MRPS5: variants seen among roughly 807,000 people sequenced by gnomAD.
The protein encoded by MRPS5 is mitochondrial ribosomal protein S5.
In MRPS5, 27 loss-of-function variants were observed where a neutral mutation model predicts 51.9. The observed-to-expected ratio is 0.52, with a 90% CI of 0.38 to 0.72. The LOEUF (loss-of-function observed/expected upper bound fraction) is 0.72, where lower values mean the gene tolerates loss of function less well. MRPS5 is among the 30% of genes least tolerant of loss of function. MRPS5 has a pLI of 0.00. For missense variants in MRPS5, 570 were observed against 545.7 expected, an observed-to-expected ratio of 1.04 and a Z score of -0.44; for synonymous variants, 196 against 193.2, an observed-to-expected ratio of 1.01 and a Z score of -0.12.
intron 8 of MRPS5, among the ~76,000 whole-genome samples, chr2:95,101,384 C>CAA (rs34810443): frequency 4.9e-5 from 3 of 60,814 alleles, no homozygotes; most frequent in Non-Finnish European, 6.9e-5. Flanking sequence ...GACAACGTCT[C>CAA]AAAAAAAAAA....
chr2:95,095,644 T>C (rs1675604886), intron 10 of MRPS5, among the ~76,000 whole-genome samples: 1 of 152,224 alleles, frequency 6.6e-6, no homozygotes, highest in Non-Finnish European at 1.5e-5. Flanking sequence ...ATAAAGATGT[T>C]CTTTGAAACC....
At chr2:95,104,598 C>A in intron 7 of MRPS5, 42 bp downstream of exon 7, 1 of 1,605,256 alleles carries the variant, frequency 6.2e-7, no homozygotes, top group South Asian at 1.1e-5. Context: ...ACGCCTTTCC[C>A]TGCACACCAC....
At chr2:95,115,280 T>C in intron 2 of MRPS5, 77 bp from the exon 3 acceptor site, 2 of 1,289,266 alleles carry the variant, frequency 1.6e-6, no homozygotes, top group Non-Finnish European at 2.0e-6. Flanking sequence ...AAATAATCAT[T>C]ACTAACAAAA....
chr2:95,109,840 T>TA (rs1387513598), intron 4 of MRPS5, 76 bp downstream of exon 4: 1 of 1,513,792 alleles, frequency 6.6e-7, no homozygotes. Context: ...TTGATGCTTC[T>TA]AGTTTGTAAA....
intron 1 of MRPS5, among the ~76,000 whole-genome samples, chr2:95,118,935 T>C (rs1221709655): frequency 1.3e-5 from 2 of 152,168 alleles, no homozygotes; most frequent in Non-Finnish European, 2.9e-5. Flanking sequence ...ACCTTGGATT[T>C]TGCAATGGCT....
intron 1 of MRPS5, 143 bp downstream of exon 1, chr2:95,121,591 C>T: frequency 1.1e-6 from 1 of 892,492 alleles, no homozygotes; most frequent in East Asian, 3.3e-5. Flanking sequence ...CACACAGCGG[C>T]TCCGGCGGAA....
intron 9 of MRPS5, 109 bp downstream of exon 9, chr2:95,100,728 G>T: frequency 1.1e-6 from 1 of 935,190 alleles, no homozygotes. Context: ...ATATTTGTAA[G>T]AATGTAATAA....
chr2:95,106,366 C>T, intron 6 of MRPS5, 57 bp downstream of exon 6: 1 of 984,742 alleles, frequency 1.0e-6, no homozygotes, highest in African/African-American at 1.6e-5. Context: ...CTGTCCCTGC[C>T]CCACCCACCC....
intron 4 of MRPS5, among the ~76,000 whole-genome samples, chr2:95,108,897 TTC>T (rs1400837487): frequency 6.6e-6 from 1 of 152,148 alleles, no homozygotes. Context: ...AGATATCTAT[TTC>T]TTTTTAGCTA....
chr2:95,117,275 T>C (rs1002151810), intron 2 of MRPS5, among the ~76,000 whole-genome samples: 2 of 151,924 alleles, frequency 1.3e-5, no homozygotes, highest in Non-Finnish European at 2.9e-5. Context: ...AGCTGATCAG[T>C]GATGTGTTTG....
intron 1 of MRPS5, 32 bp downstream of exon 1, chr2:95,121,702 A>T (rs1275760876): frequency 7.9e-6 from 12 of 1,527,132 alleles, no homozygotes; most frequent in African/African-American, 5.6e-5. Flanking sequence ...CGGCCCGCTC[A>T]GAGCCCCTGC....
At chr2:95,090,176 CAAAAAAA>C (rs35901146) in intron 11 of MRPS5, among the ~76,000 whole-genome samples, 4 of 43,542 alleles carry the variant, frequency 9.2e-5, no homozygotes, top group Admixed American at 2.5e-4. Context: ...GACTCCGTCT[CAAAAAAA>C]AAAAAAAAAA....
intron 7 of MRPS5, among the ~76,000 whole-genome samples, chr2:95,102,993 T>C: frequency 6.6e-6 from 1 of 152,330 alleles, no homozygotes; most frequent in East Asian, 1.9e-4. Context: ...TGCCAATTCC[T>C]AGTTTAAACA....
Position 95,087,380 on chromosome 2 carries a change from T to C in MRPS5, c.1270A>G (p.Asn424Asp). ...AQGMKRSVWS[N>D]LKRAAT ...GGTTACGTGGCGGCTCTCTTCAAAT[T>C]AGACCACACAGAGCGCTTCATTCCC... Residue 424 changes from asparagine to aspartate, a missense_variant, in exon 12 of 12, where the codon AAT (asparagine) becomes GAT (aspartate). Transcript: ENST00000272418. The C allele has an allele frequency of 2.5e-6, 4 of 1,614,176 alleles. No homozygotes were observed. Among genetic ancestry groups the C allele is most frequent in the Non-Finnish European group, 3.4e-6 (4 of 1,180,040 alleles).
chr2:95,087,721 G>C (rs997463480), intron 11 of MRPS5, 140 bp from the exon 12 acceptor site: 13 of 705,396 alleles, frequency 1.8e-5, no homozygotes, highest in Non-Finnish European at 3.1e-5. Flanking sequence ...TGTGTTTTGT[G>C]GCTAAACTCT....
intron 1 of MRPS5, among the ~76,000 whole-genome samples, 150 bp downstream of exon 1, chr2:95,121,580 TCACA>T (rs1676451581): frequency 1.3e-5 from 2 of 152,088 alleles, no homozygotes; most frequent in South Asian, 4.1e-4. Context: ...GCGCGCAAGG[TCACA>T]CAGCGGCTCC....
intron 1 of MRPS5, among the ~76,000 whole-genome samples, chr2:95,119,834 G>A (rs778750783): frequency 2.2e-4 from 33 of 152,138 alleles, no homozygotes; most frequent in Non-Finnish European, 3.5e-4. Context: ...AGGCCAAGGC[G>A]GGAGGATTGC....
intron 5 of MRPS5, 87 bp from the exon 6 acceptor site, chr2:95,106,544 A>C: frequency 9.1e-7 from 1 of 1,098,812 alleles, no homozygotes; most frequent in Non-Finnish European, 1.4e-6. Context: ...ACCATCACAG[A>C]CCTTTCGGGG....
At chr2:95,113,934 A>G (rs1676203511) in intron 3 of MRPS5, among the ~76,000 whole-genome samples, 1 of 151,744 alleles carries the variant, frequency 6.6e-6, no homozygotes, top group African/African-American at 2.4e-5. Context: ...ATTGTGGCCA[A>G]CATGGTGGAA....
Sources: gnomAD v4.1 joint callset for allele counts (sites outside exome capture counted in the v4.1 genomes callset) on GRCh38, gnomAD v4.1.1 for gene constraint, MANE v1.5 for transcripts, NCBI Gene and HGNC (gene_info 2026-07-23, HGNC 2026-07-21) for gene names.